NRP1: variants seen among roughly 807,000 people sequenced by gnomAD.
NRP1 encodes neuropilin-1.
NRP1 carries 35 observed loss-of-function variants against 106.7 expected under a neutral mutation model. The observed-to-expected ratio is 0.33, with a 90% CI of 0.25 to 0.43. The LOEUF is 0.43. Ranked by LOEUF, NRP1 falls within the 20% of genes least tolerant of loss-of-function variation. NRP1 has a pLI of 1.00. For synonymous variants in NRP1, 437 were observed against 417.9 expected, an observed-to-expected ratio of 1.05 and a Z score of -0.56; for missense variants, 1,024 against 1,170.4, an observed-to-expected ratio of 0.87 and a Z score of 1.83.
At chr10:33,213,836 C>T (rs1159770279) in intron 8 of NRP1, 119 bp from the exon 9 acceptor site, 1 of 798,692 alleles carries the variant, frequency 1.3e-6, no homozygotes, top group African/African-American at 1.7e-5. Flanking sequence ...ATACAATTTT[C>T]AGTCTCTGGA....
Position 33,256,458 on chromosome 10 carries a change from A to C in NRP1, c.672T>G (p.Ile224Met), listed in dbSNP as rs752844799. Residue 224 changes from isoleucine (I) to methionine (M), a missense_variant, in exon 5 of 17, where the codon ATT becomes ATG. Physicochemically the swap from Ile to Met is conservative, Grantham distance 10. Coordinates refer to ENST00000374867, the MANE Select transcript of NRP1 (RefSeq NM_003873.7). ...GTGTTTTCTGTCCACAGTAACGCCC[A>C]ATGTGAGGGCCAACTGGAAAGGGAG... ...WDGFPDVGPH[I>M]GRYCGQKTPG... The C allele has an allele frequency of 3.9e-5, 63 of 1,613,994 alleles. No individual in the cohort carries two copies. Among genetic ancestry groups the C allele is most frequent in the Middle Eastern group, 1.6e-4 (1 of 6,084 alleles).
intron 2 of NRP1, among the ~76,000 whole-genome samples, chr10:33,311,613 A>T (rs541467742): frequency 5.6e-4 from 86 of 152,344 alleles, no homozygotes; most frequent in African/African-American, 2.0e-3. Context: ...TGAATGAATG[A>T]ATGAATGTGG....
At chr10:33,318,551 T>A (rs1411119219) in intron 2 of NRP1, among the ~76,000 whole-genome samples, 1 of 151,898 alleles carries the variant, frequency 6.6e-6, no homozygotes, top group East Asian at 1.9e-4. Context: ...CTCAGTAGTG[T>A]CCCCAGACAC....
rs1174605271 is a variant in NRP1, at chr10:33,203,898, G to A, written c.1760-903C>T. 3.1e-5 allele frequency among the ~76,000 whole-genome samples: 3 copies of A among 97,796 alleles called. 1 individual carries two copies. The allele number at this position is 97,796 out of a possible 152,430, so 64.2% of individuals were successfully genotyped here. A position where few individuals can be genotyped will look rare whatever the true frequency, so the allele number is the denominator to read the frequency against. ...TGGGACTACAGGCGCCCGCCACCGC[G>A]CCCGGCTAATTTTTTGTATTTTTAG... On this transcript the variant is annotated intron_variant, in intron 10 of 16. Coordinates refer to ENST00000374867, the MANE Select transcript of NRP1 (RefSeq NM_003873.7).
At chr10:33,302,113 A>G (rs1303463939) in intron 2 of NRP1, among the ~76,000 whole-genome samples, 7 of 152,236 alleles carry the variant, frequency 4.6e-5, no homozygotes, top group Non-Finnish European at 1.0e-4. Context: ...CAATTTCTCC[A>G]AAGTGAAGAA....
intron 2 of NRP1, among the ~76,000 whole-genome samples, chr10:33,287,871 C>T (rs1434900754): frequency 1.3e-5 from 2 of 152,112 alleles, no homozygotes; most frequent in Non-Finnish European, 2.9e-5. Context: ...TGCTGAAGAT[C>T]ATTTGAGGAC....
chr10:33,307,434 C>A (rs1470371610), intron 2 of NRP1, among the ~76,000 whole-genome samples: 2 of 152,096 alleles, frequency 1.3e-5, no homozygotes, highest in African/African-American at 4.8e-5. Context: ...TCCTATCTGG[C>A]CGTTTTCAGA....
intron 2 of NRP1, among the ~76,000 whole-genome samples, chr10:33,320,715 A>G (rs991366058): frequency 3.3e-5 from 5 of 152,198 alleles, no homozygotes; most frequent in African/African-American, 7.2e-5. Context: ...TTTGAGTTCA[A>G]TACAAGTGTC....
chr10:33,199,389 ATTTTTT>A (rs1160327036), intron 11 of NRP1, among the ~76,000 whole-genome samples: 1,324 of 36,844 alleles, frequency 0.036, 48 homozygotes, highest in Non-Finnish European at 0.047. Context: ...ATATATATAT[ATTTTTT>A]TTTTTTTTTT....
At chr10:33,325,433 A>C (rs1039918240) in intron 2 of NRP1, among the ~76,000 whole-genome samples, 1 of 152,164 alleles carries the variant, frequency 6.6e-6, no homozygotes, top group Non-Finnish European at 1.5e-5. Flanking sequence ...ATAATAAAGA[A>C]AGATTAAAAC....
chr10:33,186,857 C>CTTATTTATTTATTTATTTATTTATTTAT (rs201603765), intron 13 of NRP1, among the ~76,000 whole-genome samples: 24 of 151,288 alleles, frequency 1.6e-4, no homozygotes, highest in African/African-American at 5.8e-4. Flanking sequence ...TTAGAGAAAC[C>CTTATTTATTTATTTATTTATTTATTTAT]TTATTTATTT....
At position 33,197,713 on chromosome 10, in the gene NRP1, A is replaced by C; in HGVS notation, c.1865-4T>G. ...GTGGCCAGCACAGTGGTGCCACCTG[A>C]AAAACAAAAACAGGAACATGCAAAA... On this transcript the variant is annotated splice_region_variant and splice_polypyrimidine_tract_variant and intron_variant, in intron 11 of 16. Coordinates refer to ENST00000374867, the MANE Select transcript of NRP1 (RefSeq NM_003873.7). The C allele has an allele frequency of 6.3e-7, 1 of 1,576,080 alleles. No homozygotes were observed. The highest frequency in any genetic ancestry group is 1.3e-5 in the African/African-American group (1 of 74,292).
intron 2 of NRP1, among the ~76,000 whole-genome samples, chr10:33,280,396 C>T (rs1021713794): frequency 1.3e-5 from 2 of 152,148 alleles, no homozygotes; most frequent in East Asian, 1.9e-4. Flanking sequence ...AATTCACATG[C>T]CTTTAATTAC....
chr10:33,256,689 G>A (rs575549949), intron 4 of NRP1, among the ~76,000 whole-genome samples: 17 of 152,288 alleles, frequency 1.1e-4, no homozygotes, highest in African/African-American at 2.6e-4. Context: ...AGGCATAACC[G>A]CATTCCCCAG....
At chr10:33,325,872 CA>C (rs1847852095) in intron 2 of NRP1, among the ~76,000 whole-genome samples, 1 of 152,166 alleles carries the variant, frequency 6.6e-6, no homozygotes, top group African/African-American at 2.4e-5. Flanking sequence ...TTGAAAAAAG[CA>C]ACTGTGCCAT....
At chr10:33,319,678 G>T (rs10827232) in intron 2 of NRP1, among the ~76,000 whole-genome samples, 1 of 147,856 alleles carries the variant, frequency 6.8e-6, no homozygotes, top group African/African-American at 2.5e-5. Flanking sequence ...GCTCTGCCTC[G>T]CGGGTTCATG....
intron 2 of NRP1, among the ~76,000 whole-genome samples, chr10:33,299,903 C>T (rs1184112060): frequency 6.6e-6 from 1 of 152,234 alleles, no homozygotes; most frequent in African/African-American, 2.4e-5. Context: ...GGACCCTGAA[C>T]TCCATCTGAA....
chr10:33,232,859 G>A (rs1312387257), intron 6 of NRP1, among the ~76,000 whole-genome samples: 1 of 151,804 alleles, frequency 6.6e-6, no homozygotes, highest in Admixed American at 6.6e-5. Flanking sequence ...TGTTGGCCAG[G>A]CTGGTCTTGA....
intron 2 of NRP1, among the ~76,000 whole-genome samples, chr10:33,322,392 C>G (rs1847575600): frequency 6.6e-6 from 1 of 151,984 alleles, no homozygotes; most frequent in Admixed American, 6.6e-5. Context: ...TTTTTAAAAA[C>G]TGAAGGATAG....
Sources: gnomAD v4.1 joint callset for allele counts (sites outside exome capture counted in the v4.1 genomes callset) on GRCh38, gnomAD v4.1.1 for gene constraint, MANE v1.5 for transcripts, NCBI Gene and HGNC (gene_info 2026-07-23, HGNC 2026-07-21) for gene names.